TBC1D4: variants seen among roughly 807,000 people sequenced by gnomAD.
The protein encoded by TBC1D4 is TBC (Tre-2, BUB2, CDC16) domain-containing protein.
A neutral mutation model predicts 142.5 loss-of-function variants in TBC1D4; 121 were observed. The observed-to-expected ratio is 0.85, with a 90% CI of 0.73 to 0.99. The LOEUF is 0.99. Ranked by LOEUF, TBC1D4 falls within the 50% of genes least tolerant of loss-of-function variation. TBC1D4 has a pLI of 0.00. For synonymous variants in TBC1D4, 630 were observed against 628.2 expected (o/e 1.00, Z -0.04); for missense variants, 1,475 against 1,606.6 (o/e 0.92, Z 1.40).
chr13:75,289,451 G>A (rs1372012982), intron 19 of TBC1D4, among the ~76,000 whole-genome samples: 1 of 151,708 alleles, frequency 6.6e-6, no homozygotes, highest in East Asian at 1.9e-4. Flanking sequence ...TCATAATCTA[G>A]TAACTGTCTC....
rs546386480 is a variant in TBC1D4, at chr13:75,408,107, T to C, written c.499-45500A>G. Among the ~76,000 whole-genome samples the C allele has an allele frequency of 9.9e-5, 15 of 152,278 alleles. No homozygotes were observed. The East Asian group carries it at 2.9e-3, about 29-fold the overall frequency. ...CCCTGTACCCGTCACCAATCGCACCTCCATATCTGGACCTTACCCCCTTCC... is the reference window on the plus strand; with the variant it reads ...CCCTGTACCCGTCACCAATCGCACCCCCATATCTGGACCTTACCCCCTTCC... On this transcript the variant is annotated intron_variant, in intron 1 of 20. Coordinates refer to ENST00000377636, the MANE Select transcript of TBC1D4 (RefSeq NM_014832.5).
chr13:75,392,309 A>G (rs1048618407), intron 1 of TBC1D4, among the ~76,000 whole-genome samples: 3 of 152,148 alleles, frequency 2.0e-5, no homozygotes, highest in Non-Finnish European at 4.4e-5. Context: ...CCTCCTTCTC[A>G]CTTTATTTCT....
intron 1 of TBC1D4, among the ~76,000 whole-genome samples, chr13:75,407,338 G>A (rs559990181): frequency 2.6e-5 from 4 of 152,160 alleles, no homozygotes; most frequent in Non-Finnish European, 5.9e-5. Flanking sequence ...TTCTGTTTTT[G>A]TCAGATCAAT....
chr13:75,303,672 C>A (rs1876832235), intron 15 of TBC1D4, among the ~76,000 whole-genome samples: 2 of 152,170 alleles, frequency 1.3e-5, no homozygotes, highest in Non-Finnish European at 2.9e-5. Context: ...TGACTGATTG[C>A]CAGAGTTTGT....
chr13:75,309,471 T>C (rs1877521387), intron 14 of TBC1D4, among the ~76,000 whole-genome samples: 1 of 152,156 alleles, frequency 6.6e-6, no homozygotes. Context: ...TTAAATTGAA[T>C]ACAATGTAAG....
rs767173806 is a variant in TBC1D4 at position 75,336,890 on chromosome 13, C to T, written c.1731+31G>A. On this transcript the variant is annotated intron_variant, in intron 8 of 20. Coordinates refer to ENST00000377636, the MANE Select transcript of TBC1D4 (RefSeq NM_014832.5). ...TAAACTGTTAGAAAACACAGATATG[C>T]ATACTTGAAAGACCATTGGTGCAAT... 8 of 1,613,044 alleles carry T rather than the reference C, an allele frequency of 5.0e-6. No individual in the cohort carries two copies. The South Asian group carries it at 8.8e-5, about 18-fold the overall frequency.
intron 11 of TBC1D4, among the ~76,000 whole-genome samples, chr13:75,321,690 G>A (rs1046148027): frequency 3.3e-5 from 5 of 152,056 alleles, no homozygotes; most frequent in South Asian, 2.1e-4. Context: ...TTTTACTACC[G>A]TGTAGATATT....
Position 75,377,923 on chromosome 13 carries a change from C to T in TBC1D4, c.499-15316G>A, listed in dbSNP as rs924819285. On this transcript the variant is annotated intron_variant, in intron 1 of 20. Coordinates refer to ENST00000377636, the MANE Select transcript of TBC1D4 (RefSeq NM_014832.5). ...ATATATTAATGGCATGCAAAATATA[C>T]TTCTAATTGCTACAAATTATTTATT... is the stretch of plus-strand genomic sequence containing the variant. Among the ~76,000 whole-genome samples the T allele has an allele frequency of 1.3e-4, 19 of 151,782 alleles. 1 individual carries two copies. The highest frequency in any genetic ancestry group is 2.4e-5 in the African/African-American group (1 of 41,334).
Position 75,310,020 on chromosome 13 carries a change from G to A in TBC1D4, c.2515C>T (p.Leu839=). The A allele has an allele frequency of 6.2e-7, 1 of 1,614,116 alleles. No individual in the cohort carries two copies. Among genetic ancestry groups the A allele is most frequent in the East Asian group, 2.2e-5 (1 of 44,876 alleles). Residue 839 remains leucine, a synonymous_variant, in exon 14 of 21, where the codon CTG becomes TTG. Transcript: ENST00000377636. Reference sequence around the variant, plus strand: ...ATAGCTTTTCTCCACAAGCTCCTCAGTTCTTTTGATTTCTTTCTTTCTTCA... The same window carrying A: ...ATAGCTTTTCTCCACAAGCTCCTCAATTCTTTTGATTTCTTTCTTTCTTCA... ...KIEERKKSKE[L]RSLWRKAIHQ...
chr13:75,402,997 G>C (rs1234244783), intron 1 of TBC1D4, among the ~76,000 whole-genome samples: 4 of 152,200 alleles, frequency 2.6e-5, no homozygotes, highest in Non-Finnish European at 5.9e-5. Flanking sequence ...CCACAGTCCA[G>C]TTTCACAGTA....
intron 1 of TBC1D4, among the ~76,000 whole-genome samples, chr13:75,448,033 AT>A (rs1490947392): frequency 1.3e-5 from 2 of 152,156 alleles, no homozygotes; most frequent in African/African-American, 4.8e-5. Flanking sequence ...CTCTTGAATC[AT>A]CCCAAAACCA....
At chr13:75,323,384 G>A (rs1878947653) in intron 11 of TBC1D4, among the ~76,000 whole-genome samples, 1 of 152,068 alleles carries the variant, frequency 6.6e-6, no homozygotes, top group Non-Finnish European at 1.5e-5. Context: ...AAACATCTAT[G>A]ACACCAACAA....
chr13:75,348,811 CTTCA>C (rs1459454008), intron 5 of TBC1D4, among the ~76,000 whole-genome samples: 2 of 152,150 alleles, frequency 1.3e-5, no homozygotes, highest in Non-Finnish European at 2.9e-5. Flanking sequence ...TTTTGTCTCT[CTTCA>C]TTCATTCAAC....
chr13:75,372,176 C>T (rs1883256983), intron 1 of TBC1D4, among the ~76,000 whole-genome samples: 2 of 152,138 alleles, frequency 1.3e-5, no homozygotes, highest in African/African-American at 2.4e-5. Flanking sequence ...ATCCCTCTAC[C>T]CAACTGCAAA....
intron 1 of TBC1D4, among the ~76,000 whole-genome samples, chr13:75,462,186 T>A (rs982018851): frequency 6.6e-6 from 1 of 152,150 alleles, no homozygotes; most frequent in African/African-American, 2.4e-5. Context: ...TATTATTATT[T>A]TTATTAGTCT....
At chr13:75,403,894 A>G (rs1478680426) in intron 1 of TBC1D4, among the ~76,000 whole-genome samples, 2 of 152,196 alleles carry the variant, frequency 1.3e-5, no homozygotes, top group Non-Finnish European at 2.9e-5. Flanking sequence ...CTTACATGTG[A>G]ACTTCATTAA....
At chr13:75,383,400 C>T (rs1462909753) in intron 1 of TBC1D4, among the ~76,000 whole-genome samples, 4 of 152,148 alleles carry the variant, frequency 2.6e-5, no homozygotes, top group African/African-American at 9.7e-5. Context: ...TCACCTCAAC[C>T]GTGGCTATAG....
At chr13:75,439,850 C>G (rs530919599) in intron 1 of TBC1D4, among the ~76,000 whole-genome samples, 13 of 151,866 alleles carry the variant, frequency 8.6e-5, no homozygotes, top group Non-Finnish European at 1.9e-4. Context: ...TGCAGTGAGA[C>G]TCCATCTCAA....
At chr13:75,466,869 CAAA>C (rs555084235) in intron 1 of TBC1D4, among the ~76,000 whole-genome samples, 1,518 of 144,478 alleles carry the variant, frequency 0.011, 21 homozygotes, top group African/African-American at 0.037. Flanking sequence ...GACTCTGTCT[CAAA>C]AAAAAATAAT....
Sources: allele counts gnomAD v4.1 joint callset (sites outside exome capture counted in the v4.1 genomes callset), GRCh38; gene constraint gnomAD v4.1.1; transcripts MANE v1.5; gene names NCBI Gene and HGNC (gene_info 2026-07-23, HGNC 2026-07-21).